MACROH2A1: variants seen among roughly 807,000 people sequenced by gnomAD.
MACROH2A1 encodes macroH2A.1 histone, also known as core histone macro-H2A.1.
MACROH2A1 carries 2 observed loss-of-function variants against 31.6 expected under a neutral mutation model. The ratio of observed to expected loss-of-function variants is 0.06; its 90% CI spans 0.03 to 0.20. The LOEUF is 0.20. Ranked by LOEUF, MACROH2A1 falls within the 10% of genes least tolerant of loss-of-function variation. The pLI is 1.00. For synonymous variants in MACROH2A1, 169 were observed against 189.6 expected (o/e 0.89, Z 0.89); for missense variants, 230 against 474.0 (o/e 0.49, Z 4.78).
intron 5 of MACROH2A1, chr5:135,353,408 G>A: frequency 4.1e-6 from 1 of 243,076 alleles, no homozygotes; most frequent in Non-Finnish European, 8.1e-6. Context: ...GTTGGGGGCT[G>A]GTGGATGTGA....
chr5:135,352,740 T>C (rs368996257), intron 6 of MACROH2A1, among the ~76,000 whole-genome samples: 2 of 152,064 alleles, frequency 1.3e-5, no homozygotes, highest in African/African-American at 2.4e-5. Context: ...GAGGAGAGAG[T>C]AGCCAATCAC....
At chr5:135,381,614 C>CA (rs1286982448) in intron 2 of MACROH2A1, among the ~76,000 whole-genome samples, 1 of 150,860 alleles carries the variant, frequency 6.6e-6, no homozygotes, top group East Asian at 1.9e-4. Context: ...GATCCTATTT[C>CA]AAAAAAAAGG....
At chr5:135,356,517 C>T (rs1383452482) in intron 5 of MACROH2A1, 1 of 152,266 alleles carries the variant, frequency 6.6e-6, no homozygotes, top group Admixed American at 6.5e-5. Flanking sequence ...GAACATCAAA[C>T]ATCCTTAGAT....
At chr5:135,379,371 G>T (rs1161150667) in intron 2 of MACROH2A1, among the ~76,000 whole-genome samples, 1 of 152,196 alleles carries the variant, frequency 6.6e-6, no homozygotes. Flanking sequence ...GGTGGGAAGA[G>T]GAGGAAGAAA....
At chr5:135,355,060 G>A (rs1204039362) in intron 5 of MACROH2A1, 2 of 456,050 alleles carry the variant, frequency 4.4e-6, no homozygotes, top group Non-Finnish European at 8.8e-6. Flanking sequence ...TGCTTCTGGT[G>A]TTATATTCAG....
At chr5:135,337,081 C>T (rs1391365023) in intron 8 of MACROH2A1, among the ~76,000 whole-genome samples, 1 of 152,250 alleles carries the variant, frequency 6.6e-6, no homozygotes, top group African/African-American at 2.4e-5. Context: ...ATCCCAAGAC[C>T]ATGCTCTGCC....
chr5:135,374,098 T>C (rs1340288461), intron 2 of MACROH2A1, among the ~76,000 whole-genome samples: 1 of 152,132 alleles, frequency 6.6e-6, no homozygotes, highest in Non-Finnish European at 1.5e-5. Context: ...GGTGCCCGAC[T>C]TAACAAAAGC....
intron 4 of MACROH2A1, among the ~76,000 whole-genome samples, chr5:135,364,707 C>T (rs1763277114): frequency 6.6e-6 from 1 of 152,190 alleles, no homozygotes; most frequent in African/African-American, 2.4e-5. Context: ...ATCATCACCC[C>T]ATGTTTACCT....
At chr5:135,343,153 A>C in intron 8 of MACROH2A1, 107 bp downstream of exon 8, 1 of 1,592,892 alleles carries the variant, frequency 6.3e-7, no homozygotes, top group Admixed American at 1.7e-5. Flanking sequence ...TCCTTGGTTA[A>C]GGCAGCCTCC....
intron 4 of MACROH2A1, chr5:135,362,542 A>T (rs1479915180): frequency 1.3e-5 from 2 of 152,322 alleles, no homozygotes; most frequent in East Asian, 3.9e-4. Flanking sequence ...AGAAATATAT[A>T]AAAATAGGAT....
chr5:135,356,724 G>A (rs1286138120), intron 5 of MACROH2A1: 1 of 152,146 alleles, frequency 6.6e-6, no homozygotes, highest in Non-Finnish European at 1.5e-5. Flanking sequence ...TGACAGGGAA[G>A]GAGTGTCTGG....
At chr5:135,357,738 G>C in intron 5 of MACROH2A1, 1 of 984,948 alleles carries the variant, frequency 1.0e-6, no homozygotes, top group Middle Eastern at 5.2e-4. Context: ...TCACAGCACT[G>C]ATTTCTTTTT....
At chr5:135,355,633 C>T in intron 5 of MACROH2A1, 1 of 208,244 alleles carries the variant, frequency 4.8e-6, no homozygotes, top group Non-Finnish European at 9.8e-6. Flanking sequence ...AATTCAAGTA[C>T]TTTGGAAGGA....
At chr5:135,343,519 C>G in intron 7 of MACROH2A1, 85 bp from the exon 8 acceptor site, 1 of 1,569,360 alleles carries the variant, frequency 6.4e-7, no homozygotes, top group Non-Finnish European at 8.6e-7. Context: ...ACTCCCCTGC[C>G]ACGGTATATC....
At chr5:135,359,687 G>C in intron 5 of MACROH2A1, 2 of 984,212 alleles carry the variant, frequency 2.0e-6, no homozygotes, top group Non-Finnish European at 2.4e-6. Flanking sequence ...TCAGATCCAA[G>C]TTTGTTACCA....
intron 8 of MACROH2A1, among the ~76,000 whole-genome samples, chr5:135,336,029 G>A (rs1561560764): frequency 6.6e-6 from 1 of 152,324 alleles, no homozygotes; most frequent in East Asian, 1.9e-4. Context: ...CAGCTCTCAT[G>A]GGTAGGCTCT....
chr5:135,360,572 G>C lies in MACROH2A1; in HGVS notation c.513C>G (p.Ala171=). 6.2e-7 allele frequency: 1 copy of C among 1,613,974 alleles called. No individual in the cohort carries two copies. The highest frequency in any genetic ancestry group is 8.5e-7 in the Non-Finnish European group (1 of 1,179,878). ...KQGEVSKAAS[A]DSTTEGTPAD... Reference sequence around the variant, plus strand: ...CAGGTGTGCCCTCGGTTGTGCTGTCGGCGCTGGCTGCCTTACTGACTTCAC... The same window carrying C: ...CAGGTGTGCCCTCGGTTGTGCTGTCCGCGCTGGCTGCCTTACTGACTTCAC... The change falls in exon 5 of 9, where the codon GCC becomes GCG. Residue 171 remains alanine (A), a synonymous_variant. Transcript: ENST00000511689.
chr5:135,370,689 A>C (rs971534478), intron 2 of MACROH2A1, among the ~76,000 whole-genome samples: 4 of 152,314 alleles, frequency 2.6e-5, no homozygotes, highest in South Asian at 2.1e-4. Flanking sequence ...TCACAAATAC[A>C]TTTTTTAAAG....
Position 135,369,878 on chromosome 5 carries a change from T to TG in MACROH2A1, c.279+157dup. Among the ~76,000 whole-genome samples the TG allele has an allele frequency of 6.6e-6, 1 of 151,806 alleles. No individual in the cohort carries two copies. Among genetic ancestry groups the TG allele is most frequent in the Non-Finnish European group, 1.5e-5 (1 of 67,836 alleles). On this transcript the variant is annotated intron_variant, in intron 3 of 8. Coordinates refer to ENST00000511689, the MANE Select transcript of MACROH2A1 (RefSeq NM_138610.3). This position sits in a 1 kb window ranked among gnomAD's most constrained non-coding sequence, Gnocchi z 4.3. The stretch of plus-strand genomic sequence containing the variant: ...TCCCCCAACACTCCCAATAAGGCCT[T>TG]GGGGAAAAACTGCCATGGGAGGCAG...
Sources: gnomAD v4.1 joint callset for allele counts (sites outside exome capture counted in the v4.1 genomes callset) on GRCh38, gnomAD v4.1.1 for gene constraint, Gnocchi (gnomAD v3.1) non-coding constraint, MANE v1.5 for transcripts, NCBI Gene and HGNC (gene_info 2026-07-23, HGNC 2026-07-21) for gene names.